RNF32: variants seen among roughly 807,000 people sequenced by gnomAD.
RNF32 encodes ring finger protein 32.
In RNF32, 36 loss-of-function variants were observed where a neutral mutation model predicts 41.0. The observed-to-expected ratio is 0.88, with a 90% CI of 0.67 to 1.16. The LOEUF (loss-of-function observed/expected upper bound fraction) is 1.16. Among genes scored for constraint, RNF32 ranks in the 50% most tolerant of loss-of-function variants. RNF32 has a pLI of 0.00. For synonymous variants in RNF32, 154 were observed against 160.9 expected, an observed-to-expected ratio of 0.96 and a Z score of 0.32; for missense variants, 413 against 436.7, an observed-to-expected ratio of 0.95 and a Z score of 0.48.
intron 7 of RNF32, chr7:156,658,789 A>G: frequency 9.9e-7 from 1 of 1,008,886 alleles, no homozygotes; most frequent in Non-Finnish European, 1.5e-6. Context: ...GTTAAATCAT[A>G]AAATTAGGTT....
intron 3 of RNF32, among the ~76,000 whole-genome samples, chr7:156,652,429 A>G (rs1798867493): frequency 6.6e-6 from 1 of 152,130 alleles, no homozygotes. Flanking sequence ...TTTTCTTTCT[A>G]AAATGCCAGT....
At position 156,653,958 on chromosome 7, in the gene RNF32, G is replaced by C. The variant is rs149877705; in HGVS notation, c.275-618G>C. On this transcript the variant is annotated intron_variant, in intron 3 of 8. Transcript: ENST00000317955. ...TTGGGCCAATACGTGTGAACAATGA[G>C]TATTCCTCAGTTTTTCTTTCATAAA... Among the ~76,000 whole-genome samples the C allele has an allele frequency of 3.2e-3, 489 of 152,220 alleles. 3 individuals are homozygous for C. The highest frequency in any genetic ancestry group is 7.7e-3 in the South Asian group (37 of 4,816).
chr7:156,644,989 A>C (rs983468031), intron 3 of RNF32, among the ~76,000 whole-genome samples: 2 of 152,238 alleles, frequency 1.3e-5, no homozygotes, highest in African/African-American at 4.8e-5. Context: ...AGAACAAAAG[A>C]AATATCTATT....
intron 3 of RNF32, among the ~76,000 whole-genome samples, chr7:156,649,821 C>T (rs1342640639): frequency 1.3e-5 from 2 of 152,172 alleles, no homozygotes; most frequent in East Asian, 1.9e-4. Context: ...AACTAATTCT[C>T]GTTTACGATG....
intron 7 of RNF32, among the ~76,000 whole-genome samples, chr7:156,664,333 C>T (rs147901691): frequency 0.019 from 2,848 of 152,192 alleles, 91 homozygotes; most frequent in African/African-American, 0.066. Flanking sequence ...TGGTGGCGCA[C>T]GCCTGTAATC....
Position 156,658,114 on chromosome 7 carries a change from A to G in RNF32, c.451-14A>G. The G allele has an allele frequency of 1.2e-6, 2 of 1,607,010 alleles. No homozygotes were observed. The highest frequency in any genetic ancestry group is 1.7e-6 in the Non-Finnish European group (2 of 1,177,560). ...AATTACTTGTAAAATTTTAAGTGAA[A>G]TGTTTTTCTTCAGGCATGTCTTCAG... On this transcript the variant is annotated splice_polypyrimidine_tract_variant and intron_variant, in intron 5 of 8. Transcript: ENST00000317955.
At chr7:156,659,742 G>A (rs1585055763) in intron 7 of RNF32, 1 of 705,976 alleles carries the variant, frequency 1.4e-6, no homozygotes, top group Non-Finnish European at 1.7e-6. Flanking sequence ...CAGGTTGCTG[G>A]AAACAAGTGA....
In RNF32 at chr7:156,658,574, G is replaced by A. The variant is rs952267105; in HGVS notation, c.684+4G>A. On this transcript the variant is annotated splice_donor_region_variant and intron_variant, in intron 7 of 8. Transcript: ENST00000317955. Reference sequence around the variant, plus strand: ...AAAAAAATTCTTTGAAAAAAAGGTAGGTAAAGATCATTATGTTCTCCAGAT... The same window carrying A: ...AAAAAAATTCTTTGAAAAAAAGGTAAGTAAAGATCATTATGTTCTCCAGAT... 1.9e-6 allele frequency: 3 copies of A among 1,576,984 alleles called. No individual in the cohort carries two copies. The African/African-American group carries it at 4.0e-5, about 21-fold the overall frequency.
intron 8 of RNF32, 136 bp from the exon 9 acceptor site, chr7:156,676,282 GA>G: frequency 6.4e-7 from 1 of 1,569,854 alleles, no homozygotes; most frequent in Non-Finnish European, 8.6e-7. Context: ...AAATGCATGT[GA>G]TTTTAACACA....
chr7:156,642,905 G>T (rs117218920), intron 1 of RNF32: 1 of 152,292 alleles, frequency 6.6e-6, no homozygotes, highest in African/African-American at 2.4e-5. Context: ...AACATTAGAA[G>T]AAATATGTTC....
At chr7:156,664,564 C>A (rs1801086016) in intron 7 of RNF32, among the ~76,000 whole-genome samples, 1 of 152,130 alleles carries the variant, frequency 6.6e-6, no homozygotes, top group South Asian at 2.1e-4. Context: ...ATGTTTGGTA[C>A]AAGTGGAGAA....
At chr7:156,664,732 A>C (rs1327697166) in intron 7 of RNF32, among the ~76,000 whole-genome samples, 3 of 152,234 alleles carry the variant, frequency 2.0e-5, no homozygotes, top group Admixed American at 2.0e-4. Context: ...TATCTTAGTA[A>C]AGAAAGTCAT....
At position 156,670,495 on chromosome 7, in the gene RNF32, A is replaced by G. The variant is rs1802246624; in HGVS notation, c.685-5201A>G. ...CAGCTTGAAGCAACAAAGGCTAAGAATTTTCCAGATCTGAAGAAGATACAA... is the reference window on the plus strand; with the variant it reads ...CAGCTTGAAGCAACAAAGGCTAAGAGTTTTCCAGATCTGAAGAAGATACAA... On this transcript the variant is annotated intron_variant, in intron 7 of 8. Transcript: ENST00000317955. This position sits in a 1 kb window ranked among gnomAD's most constrained non-coding sequence, Gnocchi z 4.3. 6.6e-6 allele frequency among the ~76,000 whole-genome samples: 1 copy of G among 152,194 alleles called. No homozygotes were observed. The highest frequency in any genetic ancestry group is 1.5e-5 in the Non-Finnish European group (1 of 68,038).
At chr7:156,650,391 G>A (rs150791937) in intron 3 of RNF32, among the ~76,000 whole-genome samples, 42 of 152,286 alleles carry the variant, frequency 2.8e-4, no homozygotes, top group African/African-American at 8.9e-4. Flanking sequence ...AGACTTCCAC[G>A]ACATGCTTAG....
upstream of RNF32, chr7:156,640,748 A>C: frequency 3.6e-6 from 1 of 274,722 alleles, no homozygotes; most frequent in Non-Finnish European, 7.1e-6. Flanking sequence ...GTGGGCGGCC[A>C]GGGAGTTGCC....
chr7:156,664,493 A>G (rs1368105472), intron 7 of RNF32, among the ~76,000 whole-genome samples: 1 of 152,192 alleles, frequency 6.6e-6, no homozygotes, highest in Non-Finnish European at 1.5e-5. Flanking sequence ...AAAACACTGC[A>G]AGAGCACACT....
At chr7:156,668,548 C>A (rs1441413455) in intron 7 of RNF32, among the ~76,000 whole-genome samples, 2 of 152,210 alleles carry the variant, frequency 1.3e-5, no homozygotes, top group African/African-American at 2.4e-5. Flanking sequence ...TGTGTCCTCA[C>A]TCCTTCCTTC....
At chr7:156,655,487 A>C (rs1469027511) in intron 4 of RNF32, among the ~76,000 whole-genome samples, 1 of 152,210 alleles carries the variant, frequency 6.6e-6, no homozygotes, top group South Asian at 2.1e-4. Flanking sequence ...GCAGGCCCTC[A>C]GAGATTTGCT....
chr7:156,640,502 A>G (rs1193504732), upstream of RNF32: 2 of 354,422 alleles, frequency 5.6e-6, no homozygotes, highest in South Asian at 4.1e-5. Flanking sequence ...GATCCCCAAA[A>G]ACGCCCGCTG....
Sources: allele counts gnomAD v4.1 joint callset (sites outside exome capture counted in the v4.1 genomes callset), GRCh38; gene constraint gnomAD v4.1.1; non-coding constraint Gnocchi (gnomAD v3.1); transcripts MANE v1.5; gene names NCBI Gene and HGNC (gene_info 2026-07-23, HGNC 2026-07-21).